ZNF609: variants seen among roughly 807,000 people sequenced by gnomAD.
ZNF609 encodes the protein zinc finger protein 609.
ZNF609 carries 11 observed loss-of-function variants against 109.5 expected under a neutral mutation model. That is an observed-to-expected ratio of 0.10 (90% CI 0.06 to 0.17). ZNF609 has a LOEUF of 0.17. Ranked by LOEUF, ZNF609 falls within the 10% of genes least tolerant of loss-of-function variation. The probability of loss-of-function intolerance (pLI) is 1.00; values close to 1 mark genes in which losing one functional copy is unlikely to be tolerated. For synonymous variants in ZNF609, 646 were observed against 662.0 expected (o/e 0.98, Z 0.37); for missense variants, 1,559 against 1,772.4 (o/e 0.88, Z 2.16).
intron 2 of ZNF609, among the ~76,000 whole-genome samples, chr15:64,516,634 C>T (rs1893815544): frequency 6.6e-6 from 1 of 152,180 alleles, no homozygotes; most frequent in South Asian, 2.1e-4. Flanking sequence ...TGCCTCAATC[C>T]TCCAAAGTGT....
chr15:64,509,707 C>G (rs76335482), intron 2 of ZNF609, among the ~76,000 whole-genome samples: 1,692 of 152,266 alleles, frequency 0.011, 10 homozygotes, highest in Middle Eastern at 0.027. Flanking sequence ...AGGTTGAGAA[C>G]CATGGCTTTT....
intron 1 of ZNF609, among the ~76,000 whole-genome samples, chr15:64,481,448 G>A (rs1197790463): frequency 6.6e-6 from 1 of 150,738 alleles, no homozygotes; most frequent in African/African-American, 2.4e-5. Flanking sequence ...AGCCTCCCTA[G>A]TAGCTAGGAT....
At chr15:64,672,781 C>G (rs111562030) in intron 4 of ZNF609, among the ~76,000 whole-genome samples, 8,359 of 144,040 alleles carry the variant, frequency 0.058, 762 homozygotes, top group African/African-American at 0.2. Context: ...CTGGCCAACA[C>G]GGTGAAACCC....
chr15:64,524,492 A>C (rs913029193), intron 2 of ZNF609, among the ~76,000 whole-genome samples: 2 of 145,358 alleles, frequency 1.4e-5, no homozygotes, highest in Admixed American at 7.1e-5. Flanking sequence ...TGAACCCGGG[A>C]GGTGGAGGTT....
chr15:64,609,064 T>TTTTCTTTC lies in ZNF609; in HGVS notation c.748-13703_748-13696dup, dbSNP rs3057833. On this transcript the variant is annotated intron_variant, in intron 2 of 9. Coordinates refer to ENST00000326648, the MANE Select transcript of ZNF609 (RefSeq NM_015042.2). ...GTTACTTGCATGTTTTAGTTTTAAT[T>TTTTCTTTC]TTTCTTTCTTTCTTTCTTTCTTTCT... Among the ~76,000 whole-genome samples the TTTTCTTTC allele has an allele frequency of 7.8e-3, 934 of 119,078 alleles. 23 individuals carry two copies. Among genetic ancestry groups the TTTTCTTTC allele is most frequent in the South Asian group, 0.035 (101 of 2,848 alleles). 78.1% of individuals were successfully genotyped at this position (119,078 alleles called of 152,430 possible).
At chr15:64,533,388 T>G (rs1332918511) in intron 2 of ZNF609, among the ~76,000 whole-genome samples, 1 of 152,230 alleles carries the variant, frequency 6.6e-6, no homozygotes, top group African/African-American at 2.4e-5. Context: ...TCAGTGTTAT[T>G]CATCCTAAAT....
At chr15:64,609,064 T>TTTTCTTTCTTTCTCTTTCTTTCTTTC (rs1555422612) in intron 2 of ZNF609, among the ~76,000 whole-genome samples, 31 of 119,128 alleles carry the variant, frequency 2.6e-4, no homozygotes, top group African/African-American at 9.9e-4. Context: ...TAGTTTTAAT[T>TTTTCTTTCTTTCTCTTTCTTTCTTTC]TTTCTTTCTT....
intron 1 of ZNF609, among the ~76,000 whole-genome samples, chr15:64,472,950 C>A (rs1167278028): frequency 6.6e-6 from 1 of 152,046 alleles, no homozygotes; most frequent in East Asian, 1.9e-4. Context: ...GGAACAGATG[C>A]TTCTAGAGCA....
chr15:64,652,490 A>G (rs540038193), intron 3 of ZNF609, among the ~76,000 whole-genome samples: 25 of 149,534 alleles, frequency 1.7e-4, no homozygotes, highest in South Asian at 8.4e-4. Flanking sequence ...AGGCTCAGCC[A>G]TTCTCCCCAC....
At chr15:64,653,630 A>G (rs972475050) in intron 3 of ZNF609, among the ~76,000 whole-genome samples, 2 of 152,162 alleles carry the variant, frequency 1.3e-5, no homozygotes, top group African/African-American at 2.4e-5. Flanking sequence ...TGGACGACAG[A>G]GCTAGACTCC....
chr15:64,525,322 C>T (rs2166735), intron 2 of ZNF609, among the ~76,000 whole-genome samples: 28,695 of 152,102 alleles, frequency 0.19, 4,262 homozygotes, highest in African/African-American at 0.42. Context: ...TAGCACCAAT[C>T]GTTGAAAAGA....
intron 2 of ZNF609, among the ~76,000 whole-genome samples, chr15:64,555,516 T>G (rs1894566307): frequency 6.6e-6 from 1 of 151,220 alleles, no homozygotes; most frequent in Non-Finnish European, 1.5e-5. Context: ...ATACAAAAAT[T>G]AGCCGGGCAT....
intron 3 of ZNF609, among the ~76,000 whole-genome samples, chr15:64,630,086 A>ATTTT (rs1453452524): frequency 7.7e-6 from 1 of 129,526 alleles, no homozygotes; most frequent in Non-Finnish European, 1.6e-5. Context: ...CATCCTCCTA[A>ATTTT]TTTTCTTTTT....
At chr15:64,589,860 T>G (rs1200937741) in intron 2 of ZNF609, among the ~76,000 whole-genome samples, 1 of 152,196 alleles carries the variant, frequency 6.6e-6, no homozygotes, top group African/African-American at 2.4e-5. Flanking sequence ...TTATAGAGAT[T>G]TGGCAGGAAA....
rs1030535487 is a variant in ZNF609 at position 64,685,855 on chromosome 15, A to G, written c.*4169A>G. On this transcript the variant is annotated 3_prime_UTR_variant, in exon 10 of 10. Transcript: ENST00000326648. Reference sequence around the variant, plus strand: ...AAGGGCTAAGGGTTTATGGGTCAAGAGTATTTGATCAGAATTTTAAAGGGT... The same window carrying G: ...AAGGGCTAAGGGTTTATGGGTCAAGGGTATTTGATCAGAATTTTAAAGGGT... The G allele has an allele frequency of 1.3e-5, 2 of 152,230 alleles. No individual in the cohort carries two copies. Among genetic ancestry groups the G allele is most frequent in the African/African-American group, 4.8e-5 (2 of 41,412 alleles). The allele number at this position is 152,230 out of a possible 1,614,324, so 9.4% of individuals were successfully genotyped here.
chr15:64,612,329 T>C (rs1895730627), intron 2 of ZNF609, among the ~76,000 whole-genome samples: 1 of 151,544 alleles, frequency 6.6e-6, no homozygotes, highest in African/African-American at 2.4e-5. Context: ...TTTTGTATTT[T>C]TAGTGGAGAT....
At position 64,654,913 on chromosome 15, in the gene ZNF609, G is replaced by A. The variant is rs190604251; in HGVS notation, c.974-15433G>A. 8.9e-4 allele frequency among the ~76,000 whole-genome samples: 135 copies of A among 151,916 alleles called. 1 individual carries two copies. Among genetic ancestry groups the A allele is most frequent in the African/African-American group, 3.1e-3 (127 of 41,442 alleles). On this transcript the variant is annotated intron_variant, in intron 3 of 9. Coordinates refer to ENST00000326648, the MANE Select transcript of ZNF609 (RefSeq NM_015042.2). ...AGATCGAGACCATCCTGGCTAACAC[G>A]GTGAAACCCTGTCTCTACTAAAAAT... is the stretch of plus-strand genomic sequence containing the variant.
chr15:64,609,285 A>C (rs1456286055), intron 2 of ZNF609, among the ~76,000 whole-genome samples: 1 of 151,700 alleles, frequency 6.6e-6, no homozygotes, highest in African/African-American at 2.4e-5. Context: ...TCCTGGGTTC[A>C]AGCAATTGTC....
intron 2 of ZNF609, among the ~76,000 whole-genome samples, chr15:64,583,289 G>A (rs1002438107): frequency 6.6e-6 from 1 of 150,950 alleles, no homozygotes; most frequent in Non-Finnish European, 1.5e-5. Flanking sequence ...CTTGCAGTGA[G>A]CCAAGATTGC....
Sources: allele counts gnomAD v4.1 joint callset (sites outside exome capture counted in the v4.1 genomes callset), GRCh38; gene constraint gnomAD v4.1.1; transcripts MANE v1.5; gene names NCBI Gene and HGNC (gene_info 2026-07-23, HGNC 2026-07-21).